The following ETFB variants were observed in gnomAD, a reference collection of about 807,000 sequenced individuals.
The protein encoded by ETFB is beta-ETF.
A neutral mutation model predicts 25.6 loss-of-function variants in ETFB; 20 were observed. The observed-to-expected ratio is 0.78, with a 90% CI of 0.55 to 1.14. The LOEUF (loss-of-function observed/expected upper bound fraction) is 1.14. Ranked by LOEUF, ETFB falls within the 50% of genes most tolerant of loss-of-function variation. The pLI is 0.00. For synonymous variants in ETFB, 142 were observed against 146.7 expected, an observed-to-expected ratio of 0.97 and a Z score of 0.23; for missense variants, 286 against 342.6, an observed-to-expected ratio of 0.83 and a Z score of 1.30.
chr19:51,360,889 G>T (rs780284509), intron 1 of ETFB, among the ~76,000 whole-genome samples: 10 of 152,068 alleles, frequency 6.6e-5, no homozygotes, highest in Admixed American at 3.9e-4. Flanking sequence ...GGGTTCAAGC[G>T]ATTCTCCTGC....
At chr19:51,348,693 A>G (rs1157688511) in intron 4 of ETFB, among the ~76,000 whole-genome samples, 6 of 49,956 alleles carry the variant, frequency 1.2e-4, no homozygotes, top group Non-Finnish European at 2.4e-4. Flanking sequence ...GTTTAAAAAA[A>G]AAACAAAAAC....
chr19:51,366,166 C>CA, intron 1 of ETFB, 104 bp downstream of exon 1: 1 of 1,159,238 alleles, frequency 8.6e-7, no homozygotes, highest in Non-Finnish European at 1.3e-6. Context: ...GTTAAAGCGG[C>CA]AGAGGTCGGG....
intron 1 of ETFB, among the ~76,000 whole-genome samples, chr19:51,362,789 T>C (rs1568470706): frequency 1.3e-5 from 2 of 152,142 alleles, no homozygotes; most frequent in South Asian, 2.1e-4. Flanking sequence ...ACTATTCTAG[T>C]AGTGAACCCA....
intron 1 of ETFB, among the ~76,000 whole-genome samples, chr19:51,358,265 G>A (rs1028321744): frequency 2.0e-5 from 3 of 152,114 alleles, no homozygotes; most frequent in Non-Finnish European, 4.4e-5. Context: ...TGGGGCTGTG[G>A]GTGTAACTGT....
rs1316850854 is a variant in ETFB, at chr19:51,346,886, G to A, written c.597+14C>T. 2.6e-6 allele frequency: 4 copies of A among 1,547,794 alleles called. No homozygotes were observed. In the South Asian group the frequency reaches 3.6e-5, roughly 14 times the overall value. On this transcript the variant is annotated intron_variant, in intron 5 of 5. Transcript: ENST00000309244. ...CACCCCCAGGCCCTCAGTGCCCGCT[G>A]GCCAGGGGCTCACCATGATGTTGGG...
intron 4 of ETFB, 136 bp downstream of exon 4, chr19:51,350,193 C>G (rs971138373): frequency 5.1e-6 from 5 of 976,482 alleles, no homozygotes; most frequent in Non-Finnish European, 7.8e-6. Flanking sequence ...AGGAGGGGAA[C>G]AAGAAAGCCA....
At chr19:51,345,908 T>C (rs1985765197) in intron 5 of ETFB, 1 of 163,596 alleles carries the variant, frequency 6.1e-6, no homozygotes, top group Admixed American at 6.3e-5. Flanking sequence ...ACCCTCCCTA[T>C]AGGCTGAGAT....
At chr19:51,354,106 C>T (rs371840642) in intron 2 of ETFB, 44 bp downstream of exon 2, 48 of 1,599,676 alleles carry the variant, frequency 3.0e-5, no homozygotes, top group African/African-American at 6.7e-5. Flanking sequence ...GCCCCTCCTC[C>T]GTCAGACCCA....
intron 5 of ETFB, 183 bp downstream of exon 5, chr19:51,346,717 C>A (rs1484819037): frequency 1.9e-5 from 12 of 620,294 alleles, no homozygotes; most frequent in Non-Finnish European, 3.4e-5. Context: ...CCCCCATGAA[C>A]TCTCAGTATT....
chr19:51,351,286 G>GTTCT (rs1278392307), intron 3 of ETFB, among the ~76,000 whole-genome samples: 1 of 152,248 alleles, frequency 6.6e-6, no homozygotes, highest in Non-Finnish European at 1.5e-5. Flanking sequence ...GGGGTCACTG[G>GTTCT]GCTGGTGGGA....
Position 51,353,923 on chromosome 19 carries a change from T to G in ETFB, c.216+227A>C, listed in dbSNP as rs1489538652. ...GTCCAGGGCCCCATCCCCTCCTTCC[T>G]CAGACCCAAGAGTCCAGGCCCCCAG... is the stretch of plus-strand genomic sequence containing the variant. On this transcript the variant is annotated intron_variant, in intron 2 of 5. Transcript: ENST00000309244. 2.9e-5 allele frequency among the ~76,000 whole-genome samples: 3 copies of G among 101,844 alleles called. 1 individual carries two copies. The highest frequency in any genetic ancestry group is 5.9e-5 in the Non-Finnish European group (3 of 50,904). 66.8% of individuals were successfully genotyped at this position (101,844 alleles called of 152,430 possible). A position where few individuals can be genotyped will look rare whatever the true frequency, so the allele number is the denominator to read the frequency against.
chr19:51,363,563 C>G (rs527292325), intron 1 of ETFB, among the ~76,000 whole-genome samples: 1 of 152,210 alleles, frequency 6.6e-6, no homozygotes, highest in African/African-American at 2.4e-5. Context: ...ATTCTCCTGC[C>G]TCAGCCTCCC....
chr19:51,359,682 A>G (rs1314464561), intron 1 of ETFB, among the ~76,000 whole-genome samples: 1 of 152,224 alleles, frequency 6.6e-6, no homozygotes, highest in East Asian at 1.9e-4. Context: ...CAGTTTAGTT[A>G]TATTACATAA....
chr19:51,353,336 A>G (rs1041308502), intron 2 of ETFB, 46 bp from the exon 3 acceptor site: 2 of 1,609,330 alleles, frequency 1.2e-6, no homozygotes, highest in African/African-American at 2.7e-5. Context: ...CCTCAGGGGG[A>G]CCTAGGAGTC....
chr19:51,361,262 G>T (rs1168524030), intron 1 of ETFB, among the ~76,000 whole-genome samples: 1 of 152,164 alleles, frequency 6.6e-6, no homozygotes, highest in Admixed American at 6.5e-5. Flanking sequence ...ATTTTCGACA[G>T]CTCTTCCTGA....
intron 1 of ETFB, among the ~76,000 whole-genome samples, chr19:51,357,489 TC>T (rs200993602): frequency 0.033 from 3,658 of 110,716 alleles, 402 homozygotes; most frequent in African/African-American, 0.16. Flanking sequence ...TTTCTTTCTT[TC>T]TTTTTTTTTT....
At chr19:51,350,835 C>A (rs894227717) in intron 3 of ETFB, among the ~76,000 whole-genome samples, 1 of 152,206 alleles carries the variant, frequency 6.6e-6, no homozygotes. Context: ...GCAGGTCATA[C>A]GGTCTCTGTC....
At chr19:51,353,939 A>G (rs79129087) in intron 2 of ETFB, among the ~76,000 whole-genome samples, 5 of 114,080 alleles carry the variant, frequency 4.4e-5, no homozygotes, top group Admixed American at 8.8e-5. Flanking sequence ...CCAAGAGTCC[A>G]GGCCCCCAGC....
intron 4 of ETFB, chr19:51,347,817 C>A (rs1273271454): frequency 6.6e-6 from 1 of 152,228 alleles, no homozygotes; most frequent in African/African-American, 2.4e-5. Flanking sequence ...GTGAACACGA[C>A]CAGTGAAGCA....
Sources: gnomAD v4.1 joint callset for allele counts (sites outside exome capture counted in the v4.1 genomes callset) on GRCh38, gnomAD v4.1.1 for gene constraint, MANE v1.5 for transcripts, NCBI Gene and HGNC (gene_info 2026-07-23, HGNC 2026-07-21) for gene names.